DIDO1: variants seen among roughly 807,000 people sequenced by gnomAD.
The protein encoded by DIDO1 is death-inducer obliterator 1.
A neutral mutation model predicts 99.4 loss-of-function variants in DIDO1; 16 were observed. The observed-to-expected ratio is 0.16, with a 90% CI of 0.11 to 0.24. The LOEUF (loss-of-function observed/expected upper bound fraction) is 0.24, where lower values mean the gene tolerates loss of function less well. Among genes scored for constraint, DIDO1 ranks in the 10% least tolerant of loss-of-function variants. The pLI, the probability that DIDO1 is intolerant of heterozygous loss-of-function variation, is 1.00. For synonymous variants in DIDO1, 1,366 were observed against 1,239.1 expected (o/e 1.10, Z -2.15); for missense variants, 2,996 against 3,014.0 (o/e 0.99, Z 0.14).
chr20:62,889,904 C>T, intron 15 of DIDO1: 1 of 985,476 alleles, frequency 1.0e-6, no homozygotes, highest in Non-Finnish European at 1.2e-6. Flanking sequence ...TTCCACAACA[C>T]AGGCATAGGC....
intron 1 of DIDO1, among the ~76,000 whole-genome samples, chr20:62,924,069 T>C (rs2065207560): frequency 6.6e-6 from 1 of 152,262 alleles, no homozygotes; most frequent in Admixed American, 6.5e-5. Context: ...AACTGGACTT[T>C]GTTCTTTGAC....
At chr20:62,890,715 A>G (rs2064378797) in intron 15 of DIDO1, 2 of 1,358,784 alleles carry the variant, frequency 1.5e-6, no homozygotes, top group Non-Finnish European at 1.9e-6. Flanking sequence ...AGCTGGTTGC[A>G]GGCTGTGGGT....
At chr20:62,899,064 CAG>C (rs1297160599) in intron 6 of DIDO1, among the ~76,000 whole-genome samples, 1 of 152,106 alleles carries the variant, frequency 6.6e-6, no homozygotes, top group Non-Finnish European at 1.5e-5. Context: ...TGAAAAGGCC[CAG>C]CAGGCCTAGG....
At chr20:62,906,183 G>A in intron 5 of DIDO1, 83 bp from the exon 6 acceptor site, 2 of 1,516,124 alleles carry the variant, frequency 1.3e-6, no homozygotes, top group Non-Finnish European at 1.8e-6. Context: ...TGAAGGCGGG[G>A]ACCCAATGTC....
upstream of DIDO1, chr20:62,928,943 A>G (rs957304153): frequency 2.0e-5 from 3 of 151,356 alleles, no homozygotes; most frequent in African/African-American, 7.3e-5. Flanking sequence ...CTTTGAAAGT[A>G]CAATCCGGAA....
intron 15 of DIDO1, chr20:62,888,484 T>C (rs2064334510): frequency 1.0e-6 from 1 of 985,508 alleles, no homozygotes; most frequent in Non-Finnish European, 1.2e-6. Flanking sequence ...CCAGCACTTC[T>C]GGGGGCGTGA....
In DIDO1 at chr20:62,880,112, G is replaced by C. The variant is rs755288135; in HGVS notation, c.5844C>G (p.Pro1948=). 6.2e-7 allele frequency: 1 copy of C among 1,612,562 alleles called. No individual in the cohort carries two copies. The highest frequency in any genetic ancestry group is 8.5e-7 in the Non-Finnish European group (1 of 1,179,998). The change falls in exon 16 of 16, where the codon CCC becomes CCG. Residue 1948 remains proline, a synonymous_variant. Coordinates refer to ENST00000395343, the MANE Select transcript of DIDO1 (RefSeq NM_001193369.2). ...GCATAAAGTTAGGCGCTTGGCCTCT[G>C]GGTCCTTCAAACTGGTTGGGATGAG... ...RGPHPNQFEG[P]RGQAPNFMPG... is the part of the protein sequence containing the mutation.
upstream of DIDO1, among the ~76,000 whole-genome samples, chr20:62,929,695 G>GATATATA (rs2065308341): frequency 1.0e-5 from 1 of 97,970 alleles, no homozygotes; most frequent in Non-Finnish European, 2.0e-5. Context: ...AAGAAAAAGT[G>GATATATA]TATATATATA....
chr20:62,906,610 G>T (rs1033115924), intron 5 of DIDO1, among the ~76,000 whole-genome samples: 5 of 152,190 alleles, frequency 3.3e-5, no homozygotes, highest in Admixed American at 6.5e-5. Flanking sequence ...CGCTTTGCTG[G>T]TCACAAACAT....
At chr20:62,920,916 G>A (rs2065124706) in intron 1 of DIDO1, among the ~76,000 whole-genome samples, 1 of 152,168 alleles carries the variant, frequency 6.6e-6, no homozygotes, top group Admixed American at 6.5e-5. Flanking sequence ...ATTTATTTGA[G>A]ATGGAGTCTC....
Position 62,881,025 on chromosome 20 carries a change from G to C in DIDO1, c.4931C>G (p.Pro1644Arg), listed in dbSNP as rs1279621642. The C allele has an allele frequency of 1.2e-6, 2 of 1,604,892 alleles. No individual in the cohort carries two copies. Among genetic ancestry groups the C allele is most frequent in the Non-Finnish European group, 1.7e-6 (2 of 1,178,286 alleles). ...WKAEPGEGTRPATVGDSSARP... is the reference protein window; with the variant it reads ...WKAEPGEGTRRATVGDSSARP... ...GGCCGAGCTGTCTCCAACCGTGGCGGGGCGGGTGCCCTCCCCAGGCTCTGC... is the reference window on the plus strand; with the variant it reads ...GGCCGAGCTGTCTCCAACCGTGGCGCGGCGGGTGCCCTCCCCAGGCTCTGC... The change falls in exon 16 of 16, where the codon CCC becomes CGC. Residue 1644 changes from proline (P) to arginine (R), a missense_variant. Physicochemically the swap from Pro to Arg is moderately radical, Grantham distance 103. Coordinates refer to ENST00000395343, the MANE Select transcript of DIDO1 (RefSeq NM_001193369.2). The surrounding 1 kb of genome is among the most constrained non-coding windows in gnomAD (Gnocchi z 8.3).
Position 62,893,863 on chromosome 20 carries a change from G to C in DIDO1, c.2904C>G (p.Pro968=). The change falls in exon 12 of 16, where the codon CCC becomes CCG. Residue 968 remains proline (P), a synonymous_variant. Coordinates refer to ENST00000395343, the MANE Select transcript of DIDO1 (RefSeq NM_001193369.2). ...TGCATGAACTGCTTGGAGCGGTCCT[G>C]GGGTCCCGGCCGGACACTGTGACGG... ...VTTVTVSGRD[P]RTAPSSSCTA... is the part of the protein sequence containing the mutation. 6.2e-7 allele frequency: 1 copy of C among 1,613,414 alleles called. No individual in the cohort carries two copies. Among genetic ancestry groups the C allele is most frequent in the Non-Finnish European group, 8.5e-7 (1 of 1,179,628 alleles).
intron 6 of DIDO1, among the ~76,000 whole-genome samples, chr20:62,899,020 G>A (rs1376465561): frequency 1.3e-5 from 2 of 152,116 alleles, no homozygotes; most frequent in Admixed American, 6.5e-5. Flanking sequence ...CTTTTTCTTG[G>A]GGGAAGCAGC....
rs182675429 is a variant in DIDO1 at position 62,879,917 on chromosome 20, G to T, written c.6039C>A (p.Gly2013=). 4.5e-5 allele frequency: 72 copies of T among 1,593,484 alleles called. No individual in the cohort carries two copies. In the Admixed American group the frequency reaches 1.0e-3, roughly 23 times the overall value. ...CCGGCTTCATCACCTGCGGGGCCTG[G>T]CCCTGGAAGTGAAATCGCGAAGGGG... is the stretch of plus-strand genomic sequence containing the variant. ...EQTPSRFHFQ[G]QAPQVMKPGP... The change falls in exon 16 of 16, where the codon GGC becomes GGA. Residue 2013 remains glycine, a synonymous_variant. Coordinates refer to ENST00000395343, the MANE Select transcript of DIDO1 (RefSeq NM_001193369.2). This position sits in a 1 kb window ranked among gnomAD's most constrained non-coding sequence, Gnocchi z 6.3.
At chr20:62,895,706 T>A (rs776686119) in intron 8 of DIDO1, among the ~76,000 whole-genome samples, 8 of 151,992 alleles carry the variant, frequency 5.3e-5, no homozygotes, top group Non-Finnish European at 7.4e-5. Flanking sequence ...CCAGCTGGAG[T>A]TTCTGTCCTC....
Position 62,879,823 on chromosome 20 carries a change from C to A in DIDO1, c.6133G>T (p.Gly2045Trp), listed in dbSNP as rs750119453. The change falls in exon 16 of 16, where the codon GGG becomes TGG. Residue 2045 changes from glycine (G) to tryptophan (W), a missense_variant. By Grantham distance (184) the Gly-to-Trp change is radical. Transcript: ENST00000395343. This position sits in a 1 kb window ranked among gnomAD's most constrained non-coding sequence, Gnocchi z 6.3. ...QHRKDRWEEA[G>W]PPSALSSSAP... Reference sequence around the variant, plus strand: ...CTGGAGGAGAGCGCGGAGGGCGGCCCGGCCTCCTCCCAGCGGTCCTTCCGG... The same window carrying A: ...CTGGAGGAGAGCGCGGAGGGCGGCCAGGCCTCCTCCCAGCGGTCCTTCCGG... The A allele has an allele frequency of 1.2e-6, 2 of 1,608,978 alleles. No individual in the cohort carries two copies. The highest frequency in any genetic ancestry group is 1.7e-6 in the Non-Finnish European group (2 of 1,178,668).
intron 1 of DIDO1, among the ~76,000 whole-genome samples, chr20:62,921,860 GC>G (rs2065143278): frequency 6.8e-6 from 1 of 147,806 alleles, no homozygotes; most frequent in Non-Finnish European, 1.5e-5. Flanking sequence ...ACATATACCC[GC>G]TATATATATA....
chr20:62,909,365 C>T (rs939374712), intron 4 of DIDO1, among the ~76,000 whole-genome samples: 1 of 152,240 alleles, frequency 6.6e-6, no homozygotes, highest in Non-Finnish European at 1.5e-5. Flanking sequence ...ACCAGAACCA[C>T]GAGGCAGCTG....
chr20:62,918,498 C>T (rs2065077975), intron 1 of DIDO1, among the ~76,000 whole-genome samples: 1 of 152,248 alleles, frequency 6.6e-6, no homozygotes, highest in Admixed American at 6.5e-5. Context: ...ATCTCCAAGA[C>T]ACTTTAAAAT....
Sources: allele counts gnomAD v4.1 joint callset (sites outside exome capture counted in the v4.1 genomes callset), GRCh38; gene constraint gnomAD v4.1.1; non-coding constraint Gnocchi (gnomAD v3.1); transcripts MANE v1.5; gene names NCBI Gene and HGNC (gene_info 2026-07-23, HGNC 2026-07-21).